The following GRM3 variants were observed in gnomAD, a reference collection of about 807,000 sequenced individuals.
The protein encoded by GRM3 is metabotropic glutamate receptor 3.
In GRM3, 26 loss-of-function variants were observed where a neutral mutation model predicts 70.5. That is an observed-to-expected ratio of 0.37 (90% confidence interval 0.27 to 0.51). The LOEUF is 0.51. GRM3 is among the 20% of genes least tolerant of loss of function. The probability of loss-of-function intolerance (pLI) is 0.93; values close to 1 mark genes in which losing one functional copy is unlikely to be tolerated. For missense variants in GRM3, 859 were observed against 1,123.8 expected, an observed-to-expected ratio of 0.76 and a Z score of 3.37; for synonymous variants, 443 against 434.9, an observed-to-expected ratio of 1.02 and a Z score of -0.23.
chr7:86,654,791 C>T (rs956879609), intron 1 of GRM3, among the ~76,000 whole-genome samples: 1 of 152,156 alleles, frequency 6.6e-6, no homozygotes, highest in Admixed American at 6.5e-5. Flanking sequence ...ATTACTTATT[C>T]ATCAGAAATT....
At chr7:86,655,845 T>TGTGG (rs1419640774) in intron 1 of GRM3, among the ~76,000 whole-genome samples, 3 of 136,448 alleles carry the variant, frequency 2.2e-5, no homozygotes, top group Non-Finnish European at 3.2e-5. Flanking sequence ...TGTGTGTGTG[T>TGTGG]GTGTGTGGGT....
intron 1 of GRM3, among the ~76,000 whole-genome samples, chr7:86,667,548 T>C (rs563288520): frequency 6.6e-6 from 1 of 152,260 alleles, no homozygotes; most frequent in East Asian, 1.9e-4. Context: ...ATATTCCAGC[T>C]ACTCTTGGGA....
intron 1 of GRM3, among the ~76,000 whole-genome samples, chr7:86,645,538 G>A (rs1398989096): frequency 6.6e-6 from 1 of 152,160 alleles, no homozygotes. Context: ...GAGGGCGGGA[G>A]ATTTGCGATC....
chr7:86,678,110 A>T (rs1176463353), intron 1 of GRM3, among the ~76,000 whole-genome samples: 1 of 152,056 alleles, frequency 6.6e-6, no homozygotes, highest in African/African-American at 2.4e-5. Flanking sequence ...CTAACTTTAA[A>T]AAATATACCT....
intron 1 of GRM3, among the ~76,000 whole-genome samples, chr7:86,652,558 T>C (rs933150012): frequency 1.3e-5 from 2 of 152,196 alleles, no homozygotes; most frequent in Admixed American, 6.5e-5. Context: ...CTTGAACTCC[T>C]GACCTCATGA....
At chr7:86,799,582 AGTG>A (rs1797635506) in intron 3 of GRM3, among the ~76,000 whole-genome samples, 1 of 151,938 alleles carries the variant, frequency 6.6e-6, no homozygotes, top group Non-Finnish European at 1.5e-5. Context: ...GCTGGAGTGC[AGTG>A]GTGCGATCTC....
At chr7:86,652,227 CTT>C (rs67322340) in intron 1 of GRM3, among the ~76,000 whole-genome samples, 2 of 151,812 alleles carry the variant, frequency 1.3e-5, no homozygotes, top group African/African-American at 4.8e-5. Context: ...TCACCCTCTA[CTT>C]TTTTTTTCTT....
chr7:86,713,209 A>G (rs1001537094), intron 1 of GRM3, among the ~76,000 whole-genome samples: 6 of 151,946 alleles, frequency 3.9e-5, no homozygotes, highest in African/African-American at 9.7e-5. Context: ...TTTGGTTTCA[A>G]TTTGCATTTC....
rs1171322044 is a variant in GRM3 at position 86,644,574 on chromosome 7, C to T, written c.-439C>T. On this transcript the variant is annotated 5_prime_UTR_variant, in exon 1 of 6. Transcript: ENST00000361669. Reference sequence around the variant, plus strand: ...CTCCCTCTCTTCTACTCCACCCCTCCGTTTTCCCACTCCCCACTGACTCGG... The same window carrying T: ...CTCCCTCTCTTCTACTCCACCCCTCTGTTTTCCCACTCCCCACTGACTCGG... 5 of 404,588 alleles carry T rather than the reference C, an allele frequency of 1.2e-5. No homozygotes were observed. Among genetic ancestry groups the T allele is most frequent in the East Asian group, 1.4e-4 (2 of 14,124 alleles). 25.1% of individuals were successfully genotyped at this position (404,588 alleles called of 1,614,324 possible).
chr7:86,657,955 A>C (rs1266268785), intron 1 of GRM3, among the ~76,000 whole-genome samples: 3 of 152,222 alleles, frequency 2.0e-5, no homozygotes, highest in Non-Finnish European at 4.4e-5. Flanking sequence ...AAAATGTGGG[A>C]GTTGTCTTTC....
intron 1 of GRM3, among the ~76,000 whole-genome samples, chr7:86,745,243 C>T (rs1796075943): frequency 6.6e-6 from 1 of 152,062 alleles, no homozygotes; most frequent in Non-Finnish European, 1.5e-5. Flanking sequence ...GTGCCAGAAA[C>T]CCCTGAGGGC....
rs114276111 is a variant in GRM3 at position 86,764,204 on chromosome 7, G to C, written c.-140-802G>C. On this transcript the variant is annotated intron_variant, in intron 1 of 5. Transcript: ENST00000361669. The stretch of plus-strand genomic sequence containing the variant: ...TAAGTGGTAGTTGAAACTGAAAATA[G>C]ATGAGTTGGCCCAGGGAGAGGTAGT... 8.9e-3 allele frequency among the ~76,000 whole-genome samples: 1,356 copies of C among 152,186 alleles called. 16 individuals carry two copies. The highest frequency in any genetic ancestry group is 0.031 in the African/African-American group (1,291 of 41,544).
intron 3 of GRM3, among the ~76,000 whole-genome samples, chr7:86,804,977 G>T (rs1265409771): frequency 6.6e-6 from 1 of 152,090 alleles, no homozygotes; most frequent in Non-Finnish European, 1.5e-5. Context: ...AACTGGGCAT[G>T]GTGGAGCATG....
chr7:86,759,627 A>G (rs1796430497), intron 1 of GRM3, among the ~76,000 whole-genome samples: 2 of 152,160 alleles, frequency 1.3e-5, no homozygotes, highest in Admixed American at 1.3e-4. Context: ...TTCAATTTAA[A>G]AACTTTGCAA....
At chr7:86,723,249 T>G (rs1795515919) in intron 1 of GRM3, among the ~76,000 whole-genome samples, 1 of 151,974 alleles carries the variant, frequency 6.6e-6, no homozygotes, top group African/African-American at 2.4e-5. Context: ...AGAATATAGC[T>G]CAGGTGATAG....
chr7:86,801,609 AAG>A lies in GRM3; in HGVS notation c.1324+14497_1324+14498del, dbSNP rs535617027. Among the ~76,000 whole-genome samples the A allele has an allele frequency of 1.3e-3, 194 of 152,344 alleles. 1 individual carries two copies. The highest frequency in any genetic ancestry group is 5.2e-3 in the South Asian group (25 of 4,824). On this transcript the variant is annotated intron_variant, in intron 3 of 5. Coordinates refer to ENST00000361669, the MANE Select transcript of GRM3 (RefSeq NM_000840.3). ...CAGGTACTACAACAGATGAGATTAA[AAG>A]AGAAAAAAATTCTTTCTGCCATCAA...
At chr7:86,830,159 C>G (rs1798322405) in intron 3 of GRM3, among the ~76,000 whole-genome samples, 1 of 152,116 alleles carries the variant, frequency 6.6e-6, no homozygotes, top group South Asian at 2.1e-4. Context: ...CAGCCTCTAC[C>G]TATAGAGAAC....
At chr7:86,754,915 C>T (rs1010035937) in intron 1 of GRM3, among the ~76,000 whole-genome samples, 1 of 152,110 alleles carries the variant, frequency 6.6e-6, no homozygotes, top group Admixed American at 6.6e-5. Context: ...AAGATGCCCA[C>T]CAGCAGCTCC....
At chr7:86,856,191 C>T (rs1368694143) in intron 5 of GRM3, among the ~76,000 whole-genome samples, 2 of 152,148 alleles carry the variant, frequency 1.3e-5, no homozygotes, top group African/African-American at 2.4e-5. Flanking sequence ...TGCCTGTAGT[C>T]CCAGCACTTT....
Sources: allele counts gnomAD v4.1 joint callset (sites outside exome capture counted in the v4.1 genomes callset), GRCh38; gene constraint gnomAD v4.1.1; transcripts MANE v1.5; gene names NCBI Gene and HGNC (gene_info 2026-07-23, HGNC 2026-07-21).